Variants in HS3ST5 observed in about 807,000 individuals in gnomAD.
HS3ST5 encodes the protein heparan sulfate-glucosamine 3-sulfotransferase 5.
HS3ST5 carries 10 observed loss-of-function variants against 25.4 expected under a neutral mutation model. The observed-to-expected ratio is 0.39, with a 90% CI of 0.24 to 0.67. The LOEUF (loss-of-function observed/expected upper bound fraction) is 0.67. Among genes scored for constraint, HS3ST5 ranks in the 30% least tolerant of loss-of-function variants. The probability of loss-of-function intolerance (pLI) is 0.44; values close to 1 mark genes in which losing one functional copy is unlikely to be tolerated. For missense variants in HS3ST5, 324 were observed against 420.7 expected (o/e 0.77, Z 2.01); for synonymous variants, 170 against 162.4 (o/e 1.05, Z -0.36).
intron 2 of HS3ST5, among the ~76,000 whole-genome samples, chr6:114,179,625 G>T: frequency 6.8e-6 from 1 of 146,122 alleles, no homozygotes; most frequent in African/African-American, 2.5e-5. Flanking sequence ...TTGAACCTTG[G>T]TCTCTTGTAA....
At chr6:114,133,433 C>T (rs9387191) in intron 3 of HS3ST5, among the ~76,000 whole-genome samples, 2 of 152,094 alleles carry the variant, frequency 1.3e-5, no homozygotes, top group Non-Finnish European at 2.9e-5. Flanking sequence ...TGTGTGTGCA[C>T]GTATATACAC....
intron 1 of HS3ST5, among the ~76,000 whole-genome samples, chr6:114,319,419 ACTG>A: frequency 6.6e-6 from 1 of 152,246 alleles, no homozygotes; most frequent in East Asian, 1.9e-4. Flanking sequence ...ACCAGCTGTC[ACTG>A]CTATTTTCAA....
intron 2 of HS3ST5, among the ~76,000 whole-genome samples, chr6:114,194,436 T>C (rs1483227346): frequency 6.6e-6 from 1 of 152,168 alleles, no homozygotes; most frequent in Non-Finnish European, 1.5e-5. Context: ...TGTAGTCTCT[T>C]TGTTAACTGC....
chr6:114,068,165 TTAAGAA>T (rs1470631387), intron 3 of HS3ST5, among the ~76,000 whole-genome samples: 2 of 152,138 alleles, frequency 1.3e-5, no homozygotes, highest in Non-Finnish European at 2.9e-5. Context: ...GAAATTCTTA[TTAAGAA>T]TTAGAATGCT....
rs140445585 is a variant in HS3ST5 at position 114,136,100 on chromosome 6, G to A, written c.-33+32251C>T. Among the ~76,000 whole-genome samples the A allele has an allele frequency of 2.0e-5, 3 of 152,366 alleles. No individual in the cohort carries two copies. In the East Asian group the frequency reaches 5.8e-4, roughly 29 times the overall value. On this transcript the variant is annotated intron_variant, in intron 3 of 4. Transcript: ENST00000312719. The stretch of plus-strand genomic sequence containing the variant: ...ATCCTGCCTTGTGTTGTAATTGCAA[G>A]GGTAGCTGTCTAACTCATTAGATTA...
intron 3 of HS3ST5, among the ~76,000 whole-genome samples, chr6:114,071,790 C>G (rs1250406268): frequency 6.6e-6 from 1 of 152,138 alleles, no homozygotes; most frequent in Non-Finnish European, 1.5e-5. Context: ...AAATCGAATA[C>G]TCATATATCC....
At chr6:114,133,487 T>C (rs1340944683) in intron 3 of HS3ST5, among the ~76,000 whole-genome samples, 1 of 152,122 alleles carries the variant, frequency 6.6e-6, no homozygotes, top group Admixed American at 6.6e-5. Flanking sequence ...TATACAGTGG[T>C]GGTGTTTTCC....
At chr6:114,340,886 G>A (rs1303142217) in intron 1 of HS3ST5, 1 of 152,002 alleles carries the variant, frequency 6.6e-6, no homozygotes, top group African/African-American at 2.4e-5. Context: ...CCTTTGAGAA[G>A]CACCAGCTGT....
intron 1 of HS3ST5, among the ~76,000 whole-genome samples, chr6:114,331,442 A>G (rs993093725): frequency 3.3e-5 from 5 of 152,194 alleles, no homozygotes; most frequent in African/African-American, 1.2e-4. Context: ...ATTTTTATGT[A>G]CTTTAGAGGA....
rs1347653392 is a variant in HS3ST5 at position 114,057,615 on chromosome 6, G to C, written c.683C>G (p.Ala228Gly). The C allele has an allele frequency of 6.2e-7, 1 of 1,614,066 alleles. No homozygotes were observed. Among genetic ancestry groups the C allele is most frequent in the South Asian group, 1.1e-5 (1 of 91,070 alleles). The change falls in exon 5 of 5, where the codon GCA (alanine) becomes GGA (glycine). Residue 228 changes from alanine to glycine, a missense_variant. Coordinates refer to ENST00000312719, the MANE Select transcript of HS3ST5 (RefSeq NM_153612.4). ...TTTGGTGTAGATGCTGGTTCTTACT[G>C]CTTTGTATTTTGTGTTCACTTCGCA... is the stretch of plus-strand genomic sequence containing the variant. ...NTCEVNTKYK[A>G]VRTSIYTKHL...
At chr6:114,083,514 C>G (rs1417426440) in intron 3 of HS3ST5, among the ~76,000 whole-genome samples, 1 of 151,704 alleles carries the variant, frequency 6.6e-6, no homozygotes, top group Non-Finnish European at 1.5e-5. Flanking sequence ...ATTAAGGAGA[C>G]AGTTCTGGGT....
At chr6:114,151,241 C>T (rs991228966) in intron 3 of HS3ST5, among the ~76,000 whole-genome samples, 1 of 152,170 alleles carries the variant, frequency 6.6e-6, no homozygotes, top group African/African-American at 2.4e-5. Flanking sequence ...TAATAAAAAT[C>T]CTTTTTTATA....
rs769070003 is a variant in HS3ST5, at chr6:114,291,184, C to G, written c.-339+51011G>C. The stretch of plus-strand genomic sequence containing the variant: ...CTTGCCCAGCCACTTAGTACAACTA[C>G]TAGTTGGGGAGTGCATGATTTCAGA... On this transcript the variant is annotated intron_variant, in intron 1 of 4. Coordinates refer to ENST00000312719, the MANE Select transcript of HS3ST5 (RefSeq NM_153612.4). 3.2e-4 allele frequency among the ~76,000 whole-genome samples: 49 copies of G among 152,164 alleles called. No homozygotes were observed. The Middle Eastern group carries it at 0.01, about 32-fold the overall frequency.
chr6:114,167,653 C>A (rs1380092881), intron 3 of HS3ST5: 1 of 152,198 alleles, frequency 6.6e-6, no homozygotes. Context: ...CAGCTGGTGA[C>A]ATGCTGGTTT....
chr6:114,128,701 A>G (rs1449591456), intron 3 of HS3ST5, among the ~76,000 whole-genome samples: 1 of 152,260 alleles, frequency 6.6e-6, no homozygotes, highest in Non-Finnish European at 1.5e-5. Context: ...AATTGAGAGT[A>G]CTGAACCAGC....
intron 1 of HS3ST5, among the ~76,000 whole-genome samples, chr6:114,338,894 T>C (rs1346191052): frequency 2.0e-5 from 3 of 152,090 alleles, no homozygotes; most frequent in African/African-American, 4.8e-5. Context: ...CAGTTTAATT[T>C]ATAATGAAAA....
At chr6:114,292,153 T>C (rs1233921865) in intron 1 of HS3ST5, among the ~76,000 whole-genome samples, 1 of 152,214 alleles carries the variant, frequency 6.6e-6, no homozygotes, top group African/African-American at 2.4e-5. Flanking sequence ...TAACATCTAT[T>C]GTAGCCCTTT....
At position 114,057,881 on chromosome 6, in the gene HS3ST5, A is replaced by C; in HGVS notation, c.417T>G (p.Tyr139Ter). The change falls in exon 5 of 5, where the codon TAT (tyrosine) becomes TAG (stop). Residue 139 changes from tyrosine to a stop codon, truncating the protein, a stop_gained. Transcript: ENST00000312719. LOFTEE classifies it high-confidence loss of function. ...GGTAGGAAAAAGGCATCTTTTTCCT[A>C]TACCACTCAATGCCCTTACCATAAT... is the stretch of plus-strand genomic sequence containing the variant. ...DENYGKGIEW[Y>*]RKKMPFSYPQ... 6.2e-7 allele frequency: 1 copy of C among 1,614,162 alleles called. No homozygotes were observed. The highest frequency in any genetic ancestry group is 8.5e-7 in the Non-Finnish European group (1 of 1,180,016).
chr6:114,074,639 T>C (rs1047128231), intron 3 of HS3ST5, among the ~76,000 whole-genome samples: 7 of 152,156 alleles, frequency 4.6e-5, no homozygotes, highest in African/African-American at 1.4e-4. Context: ...CTTTTCTAAG[T>C]CTTTCTTCCC....
Sources: gnomAD v4.1 joint callset for allele counts (sites outside exome capture counted in the v4.1 genomes callset) on GRCh38, gnomAD v4.1.1 for gene constraint, MANE v1.5 for transcripts, NCBI Gene and HGNC (gene_info 2026-07-23, HGNC 2026-07-21) for gene names.